MBNL1: variants seen among roughly 807,000 people sequenced by gnomAD.
MBNL1 encodes the protein muscleblind-like protein 1.
A neutral mutation model predicts 42.2 loss-of-function variants in MBNL1; 8 were observed. The ratio of observed to expected loss-of-function variants is 0.19; its 90% confidence interval spans 0.11 to 0.34. The LOEUF is 0.34. Ranked by LOEUF, MBNL1 falls within the 10% of genes least tolerant of loss-of-function variation. The probability of loss-of-function intolerance (pLI) is 1.00; values close to 1 mark genes in which losing one functional copy is unlikely to be tolerated. For synonymous variants in MBNL1, 169 were observed against 173.9 expected (o/e 0.97, Z 0.22); for missense variants, 309 against 495.3 (o/e 0.62, Z 3.57).
At chr3:152,317,246 T>G (rs915745432) in intron 2 of MBNL1, among the ~76,000 whole-genome samples, 3 of 152,236 alleles carry the variant, frequency 2.0e-5, no homozygotes, top group African/African-American at 7.2e-5. Flanking sequence ...TATAAATTTA[T>G]GTGGAGTTCT....
chr3:152,335,128 T>C, intron 2 of MBNL1: 1 of 1,288,850 alleles, frequency 7.8e-7, no homozygotes, highest in South Asian at 1.2e-5. Context: ...TCAGGAAATG[T>C]TGTTTAAGGG....
intron 1 of MBNL1, among the ~76,000 whole-genome samples, chr3:152,282,610 T>C (rs2049129456): frequency 6.6e-6 from 1 of 152,114 alleles, no homozygotes; most frequent in Non-Finnish European, 1.5e-5. Context: ...AATTGGCCAT[T>C]GCAGAAATAG....
chr3:152,452,398 G>C (rs557381863), intron 6 of MBNL1, among the ~76,000 whole-genome samples: 3 of 152,256 alleles, frequency 2.0e-5, no homozygotes, highest in South Asian at 2.1e-4. Flanking sequence ...ACATGCCCCA[G>C]CTCCCTCTCT....
intron 2 of MBNL1, among the ~76,000 whole-genome samples, chr3:152,246,989 A>T (rs751451370): frequency 6.6e-6 from 1 of 152,168 alleles, no homozygotes; most frequent in African/African-American, 2.4e-5. Flanking sequence ...TCAAATAATA[A>T]TTACATTTAG....
intron 3 of MBNL1, among the ~76,000 whole-genome samples, chr3:152,420,213 C>T (rs2098780608): frequency 6.6e-6 from 1 of 152,216 alleles, no homozygotes. Context: ...TTTCTGCCTG[C>T]CAGCTCTGAA....
chr3:152,414,955 G>A lies in MBNL1; in HGVS notation c.189G>A (p.Arg63=). The change falls in exon 3 of 10, where the codon AGG becomes AGA. Residue 63 remains arginine, a synonymous_variant. Coordinates refer to ENST00000324210, the MANE Select transcript of MBNL1 (RefSeq NM_021038.5). The part of the protein sequence containing the change: ...CFDSLKGRCS[R]ENCKYLHPPP... ...TGTTTCTCTAGGGCCGTTGCTCCAG[G>A]GAGAACTGCAAATATCTTCATCCAC... The A allele has an allele frequency of 6.2e-7, 1 of 1,609,904 alleles. No individual in the cohort carries two copies. Among genetic ancestry groups the A allele is most frequent in the Non-Finnish European group, 8.5e-7 (1 of 1,178,670 alleles).
chr3:152,373,342 A>G (rs924935639), intron 2 of MBNL1, among the ~76,000 whole-genome samples: 16 of 33,246 alleles, frequency 4.8e-4, no homozygotes, highest in East Asian at 4.2e-3. Context: ...TGGGGTATGG[A>G]AAAAAAAAAA....
At chr3:152,333,010 CTCCAATG>C (rs1293140699) in intron 2 of MBNL1, among the ~76,000 whole-genome samples, 1 of 152,118 alleles carries the variant, frequency 6.6e-6, no homozygotes, top group Non-Finnish European at 1.5e-5. Context: ...CCGTACCTTC[CTCCAATG>C]TTGGTTTCAG....
intron 2 of MBNL1, among the ~76,000 whole-genome samples, chr3:152,248,744 T>G (rs2033783030): frequency 6.6e-6 from 1 of 152,062 alleles, no homozygotes; most frequent in South Asian, 2.1e-4. Flanking sequence ...ATTAGGTATA[T>G]CTCCTAATGC....
At chr3:152,304,423 C>G (rs953462884) in intron 2 of MBNL1, among the ~76,000 whole-genome samples, 1 of 152,160 alleles carries the variant, frequency 6.6e-6, no homozygotes, top group Non-Finnish European at 1.5e-5. Context: ...AAAATATCTG[C>G]AAGTTTTAGA....
intron 2 of MBNL1, among the ~76,000 whole-genome samples, chr3:152,305,904 CAT>C (rs955727694): frequency 1.3e-5 from 2 of 152,166 alleles, no homozygotes; most frequent in Non-Finnish European, 2.9e-5. Flanking sequence ...ATTTTTGGCA[CAT>C]GTTTGAAATA....
At chr3:152,419,755 G>A (rs972170712) in intron 3 of MBNL1, among the ~76,000 whole-genome samples, 9 of 151,964 alleles carry the variant, frequency 5.9e-5, no homozygotes, top group South Asian at 2.1e-4. Context: ...GAACACCAGC[G>A]AGACAGAACC....
intron 2 of MBNL1, among the ~76,000 whole-genome samples, chr3:152,403,140 A>AC (rs1330889600): frequency 4.6e-4 from 66 of 144,040 alleles, no homozygotes; most frequent in Non-Finnish European, 8.5e-4. Flanking sequence ...TGATAGCAAG[A>AC]AAAAAAAAAA....
chr3:152,369,113 C>G (rs1167022367), intron 2 of MBNL1, among the ~76,000 whole-genome samples: 1 of 152,094 alleles, frequency 6.6e-6, no homozygotes, highest in African/African-American at 2.4e-5. Context: ...ATGCTTCCAG[C>G]TTTTGCCCAC....
Position 152,312,912 on chromosome 3 carries a change from A to G in MBNL1, c.174+12545A>G, listed in dbSNP as rs577698318. Among the ~76,000 whole-genome samples the G allele has an allele frequency of 4.1e-4, 62 of 152,294 alleles. 1 individual carries two copies. Among genetic ancestry groups the G allele is most frequent in the Non-Finnish European group, 8.1e-4 (55 of 68,028 alleles). ...AATACTGGCGACAGGAATAATGACA[A>G]TGTGACTACCAGTGGTTTTCACTTC... On this transcript the variant is annotated intron_variant, in intron 2 of 9. Coordinates refer to ENST00000324210, the MANE Select transcript of MBNL1 (RefSeq NM_021038.5).
intron 1 of MBNL1, among the ~76,000 whole-genome samples, chr3:152,291,823 C>G (rs920009418): frequency 1.3e-5 from 2 of 152,096 alleles, no homozygotes; most frequent in African/African-American, 4.8e-5. Flanking sequence ...GTTACCTAGG[C>G]TAGAGTGTAG....
intron 4 of MBNL1, among the ~76,000 whole-genome samples, chr3:152,444,480 T>C (rs1296041846): frequency 6.6e-6 from 1 of 152,208 alleles, no homozygotes; most frequent in Non-Finnish European, 1.5e-5. Context: ...TAAAAAGCTA[T>C]CAAATTTGAT....
chr3:152,258,090 A>G (rs2035700081), intron 2 of MBNL1, among the ~76,000 whole-genome samples: 1 of 152,210 alleles, frequency 6.6e-6, no homozygotes, highest in Non-Finnish European at 1.5e-5. Flanking sequence ...GTATACCTAT[A>G]CCATCTTGTA....
chr3:152,382,440 A>G (rs1426211798), intron 2 of MBNL1, among the ~76,000 whole-genome samples: 1 of 152,096 alleles, frequency 6.6e-6, no homozygotes, highest in Non-Finnish European at 1.5e-5. Context: ...AGCAAGAAAA[A>G]ATAGATAATG....
Sources: gnomAD v4.1 joint callset for allele counts (sites outside exome capture counted in the v4.1 genomes callset) on GRCh38, gnomAD v4.1.1 for gene constraint, MANE v1.5 for transcripts, NCBI Gene and HGNC (gene_info 2026-07-23, HGNC 2026-07-21) for gene names.